MAP2: variants seen among roughly 807,000 people sequenced by gnomAD.
The protein encoded by MAP2 is microtubule-associated protein 2.
In MAP2, 14 loss-of-function variants were observed where a neutral mutation model predicts 137.6. The observed-to-expected ratio is 0.10, with a 90% CI of 0.07 to 0.16. The LOEUF (loss-of-function observed/expected upper bound fraction) is 0.16. MAP2 is among the 10% of genes least tolerant of loss of function. The pLI is 1.00. For missense variants in MAP2, 2,088 were observed against 2,191.5 expected, an observed-to-expected ratio of 0.95 and a Z score of 0.94; for synonymous variants, 786 against 782.3, an observed-to-expected ratio of 1.00 and a Z score of -0.08.
chr2:209,441,172 C>T (rs1697666447), intron 1 of MAP2, among the ~76,000 whole-genome samples: 1 of 151,396 alleles, frequency 6.6e-6, no homozygotes, highest in Non-Finnish European at 1.5e-5. Context: ...TACAACTTTA[C>T]ATTCTTTGTA....
chr2:209,451,439 T>A (rs1416781248), intron 1 of MAP2, among the ~76,000 whole-genome samples: 1 of 152,166 alleles, frequency 6.6e-6, no homozygotes, highest in Admixed American at 6.5e-5. Flanking sequence ...CCACAGTGTC[T>A]GTGCCTCCCA....
At chr2:209,528,898 A>G (rs955417406) in intron 2 of MAP2, among the ~76,000 whole-genome samples, 6 of 150,796 alleles carry the variant, frequency 4.0e-5, no homozygotes, top group African/African-American at 1.2e-4. Flanking sequence ...ATATACATAT[A>G]TATACACACA....
intron 1 of MAP2, among the ~76,000 whole-genome samples, chr2:209,432,066 C>A (rs577848828): frequency 5.3e-5 from 8 of 152,266 alleles, no homozygotes; most frequent in Admixed American, 2.0e-4. Context: ...TGCCTCCAGA[C>A]TGATTTGAGT....
At chr2:209,623,481 A>G (rs1019677801) in intron 3 of MAP2, among the ~76,000 whole-genome samples, 1 of 152,216 alleles carries the variant, frequency 6.6e-6, no homozygotes, top group African/African-American at 2.4e-5. Flanking sequence ...GCACTTTAAG[A>G]AATTTAAGAA....
rs749183996 is a variant in MAP2 at position 209,540,630 on chromosome 2, C to CAAAAAAA, written c.-172+33015_-172+33021dup. 6.1e-3 allele frequency among the ~76,000 whole-genome samples: 168 copies of CAAAAAAA among 27,570 alleles called. 8 individuals are homozygous for CAAAAAAA. The highest frequency in any genetic ancestry group is 6.0e-3 in the Non-Finnish European group (96 of 15,944). 18.1% of individuals were successfully genotyped at this position (27,570 alleles called of 152,430 possible). ...TGCGTGACTGAGTGAGACTCCGTCT[C>CAAAAAAA]AAAAAAAAAAAAAAAAAAAAAAAAA... On this transcript the variant is annotated intron_variant, in intron 2 of 15. Coordinates refer to ENST00000682079, the MANE Select transcript of MAP2 (RefSeq NM_001375505.1).
At chr2:209,612,096 C>T (rs1450061441) in intron 3 of MAP2, among the ~76,000 whole-genome samples, 1 of 152,108 alleles carries the variant, frequency 6.6e-6, no homozygotes, top group African/African-American at 2.4e-5. Flanking sequence ...TATGTGTGTG[C>T]TGTATCACAT....
At chr2:209,435,929 T>C (rs951652317) in intron 1 of MAP2, among the ~76,000 whole-genome samples, 1 of 82,382 alleles carries the variant, frequency 1.2e-5, no homozygotes, top group Admixed American at 1.6e-4. Context: ...AATATATATA[T>C]TATATATATA....
intron 1 of MAP2, among the ~76,000 whole-genome samples, chr2:209,498,035 C>T (rs1232201250): frequency 6.6e-6 from 1 of 152,126 alleles, no homozygotes; most frequent in Non-Finnish European, 1.5e-5. Context: ...AGTACAAAGC[C>T]TCATTTGAAA....
intron 2 of MAP2, among the ~76,000 whole-genome samples, chr2:209,552,242 T>C (rs903643314): frequency 2.0e-5 from 3 of 152,160 alleles, no homozygotes; most frequent in African/African-American, 7.2e-5. Context: ...TTTTTTGTTG[T>C]TATTTACTGT....
intron 4 of MAP2, among the ~76,000 whole-genome samples, chr2:209,645,317 A>G (rs2094345369): frequency 6.6e-6 from 1 of 152,242 alleles, no homozygotes; most frequent in Non-Finnish European, 1.5e-5. Flanking sequence ...TTAGATAACC[A>G]ACCAAAATAT....
intron 2 of MAP2, among the ~76,000 whole-genome samples, chr2:209,540,630 C>CA (rs749183996): frequency 0.1 from 2,765 of 27,536 alleles, 778 homozygotes; most frequent in East Asian, 0.21. Flanking sequence ...GACTCCGTCT[C>CA]AAAAAAAAAA....
intron 12 of MAP2, among the ~76,000 whole-genome samples, chr2:209,709,233 G>T (rs114983114): frequency 0.016 from 2,489 of 152,204 alleles, 67 homozygotes; most frequent in African/African-American, 0.057. Context: ...GGAATATATT[G>T]TTGAGACATC....
intron 3 of MAP2, among the ~76,000 whole-genome samples, chr2:209,613,709 A>G (rs552429570): frequency 2.9e-4 from 44 of 152,192 alleles, no homozygotes; most frequent in Non-Finnish European, 5.1e-4. Context: ...AAAAGATAAA[A>G]CATTTTGAAG....
chr2:209,575,325 T>C (rs536338701), intron 2 of MAP2, among the ~76,000 whole-genome samples: 2 of 151,778 alleles, frequency 1.3e-5, no homozygotes, highest in Admixed American at 1.3e-4. Context: ...ATCGAGACCA[T>C]CCTGGCTAAC....
At chr2:209,502,988 G>A (rs941522952) in intron 1 of MAP2, among the ~76,000 whole-genome samples, 3 of 141,610 alleles carry the variant, frequency 2.1e-5, no homozygotes, top group Non-Finnish European at 4.6e-5. Flanking sequence ...TATATATTTC[G>A]GATTTTTTTT....
intron 5 of MAP2, among the ~76,000 whole-genome samples, chr2:209,654,275 A>T (rs1293003875): frequency 6.6e-6 from 1 of 152,216 alleles, no homozygotes; most frequent in Non-Finnish European, 1.5e-5. Flanking sequence ...TTAATATGTC[A>T]TATCTTTGCA....
chr2:209,704,460 T>G, intron 11 of MAP2: 1 of 1,605,858 alleles, frequency 6.2e-7, no homozygotes, highest in Non-Finnish European at 8.5e-7. Context: ...AATTCTACCT[T>G]GTCAAAGATT....
In MAP2 at chr2:209,695,765, G is replaced by A. The variant is rs2060014526; in HGVS notation, c.3595G>A (p.Gly1199Arg). ...RADVQMEFIQ[G>R]PKEESKETPD... ...TGATGTCCAGATGGAATTTATTCAG[G>A]GGCCAAAAGAAGAAAGCAAAGAGAC... Residue 1199 changes from glycine to arginine, a missense_variant, in exon 8 of 16, where the codon GGG (glycine) becomes AGG (arginine). Physicochemically the swap from Gly to Arg is moderately radical, Grantham distance 125. Transcript: ENST00000682079. 5 of 1,613,862 alleles carry A rather than the reference G, an allele frequency of 3.1e-6. No individual in the cohort carries two copies. Among genetic ancestry groups the A allele is most frequent in the Non-Finnish European group, 4.2e-6 (5 of 1,179,956 alleles).
intron 3 of MAP2, among the ~76,000 whole-genome samples, chr2:209,609,273 T>A (rs182501172): frequency 9.2e-5 from 14 of 152,298 alleles, no homozygotes; most frequent in Admixed American, 8.5e-4. Flanking sequence ...ATTTTTGATT[T>A]TTCTATCAAA....
Sources: allele counts gnomAD v4.1 joint callset (sites outside exome capture counted in the v4.1 genomes callset), GRCh38; gene constraint gnomAD v4.1.1; transcripts MANE v1.5; gene names NCBI Gene and HGNC (gene_info 2026-07-23, HGNC 2026-07-21).